Variants in C3orf22 observed in about 807,000 individuals in gnomAD.
C3orf22 encodes chromosome 3 open reading frame 22.
Under a neutral mutation model 10.8 loss-of-function variants are expected in C3orf22, and 7 were observed. The ratio of observed to expected loss-of-function variants is 0.65; its 90% CI spans 0.37 to 1.22. C3orf22 has a LOEUF of 1.22. C3orf22 is among the 50% of genes most tolerant of loss of function. The pLI is 0.02. For missense variants in C3orf22, 173 were observed against 177.0 expected (o/e 0.98, Z 0.13); for synonymous variants, 79 against 78.9 (o/e 1.00, Z 0.00).
At chr3:126,556,807 CCACA>C (rs1225503518) in intron 1 of C3orf22, among the ~76,000 whole-genome samples, 1 of 134,476 alleles carries the variant, frequency 7.4e-6, no homozygotes, top group Admixed American at 7.8e-5. Flanking sequence ...TCAGGCTCAC[CCACA>C]CACACAGACT....
chr3:126,534,976 T>C (rs1936739356), intron 4 of C3orf22, among the ~76,000 whole-genome samples: 1 of 136,920 alleles, frequency 7.3e-6, no homozygotes, highest in Non-Finnish European at 1.5e-5. Flanking sequence ...CAGACCAGCA[T>C]CCCTGTCCCC....
chr3:126,547,042 T>C (rs774896031), downstream of C3orf22, among the ~76,000 whole-genome samples: 2 of 152,212 alleles, frequency 1.3e-5, no homozygotes, highest in African/African-American at 2.4e-5. Flanking sequence ...TCCTCCTGCA[T>C]AGGTGTGAGT....
chr3:126,538,457 A>G (rs1438563033), intron 4 of C3orf22, among the ~76,000 whole-genome samples: 1 of 152,216 alleles, frequency 6.6e-6, no homozygotes, highest in East Asian at 1.9e-4. Context: ...GCCAGGCCAC[A>G]TTCCCCCCGA....
chr3:126,551,970 G>A (rs749538582), intron 3 of C3orf22, 27 bp downstream of exon 3: 30 of 1,573,902 alleles, frequency 1.9e-5, no homozygotes, highest in Non-Finnish European at 2.4e-5. Flanking sequence ...AGCCAGTGGG[G>A]GTGGTGGCAT....
chr3:126,536,135 T>G, intron 4 of C3orf22: 2 of 662,418 alleles, frequency 3.0e-6, no homozygotes, highest in Non-Finnish European at 2.7e-6. Flanking sequence ...ACCAAGCCCC[T>G]AGGAGGTAGG....
chr3:126,532,209 G>A (rs944592921), intron 4 of C3orf22, among the ~76,000 whole-genome samples: 6 of 152,162 alleles, frequency 3.9e-5, no homozygotes, highest in African/African-American at 7.2e-5. Flanking sequence ...TCCCAACTAC[G>A]GATTGTCATT....
chr3:126,539,847 T>TTC (rs1936906140), intron 4 of C3orf22, among the ~76,000 whole-genome samples: 2 of 1,206 alleles, frequency 1.7e-3, no homozygotes, highest in Non-Finnish European at 2.9e-3. Flanking sequence ...ACCACACACA[T>TTC]CACACACACA....
At chr3:126,555,968 C>T (rs868770964) in intron 1 of C3orf22, among the ~76,000 whole-genome samples, 2 of 152,176 alleles carry the variant, frequency 1.3e-5, no homozygotes, top group Admixed American at 6.5e-5. Flanking sequence ...TGGGCAACAT[C>T]GGGACAGCCC....
At chr3:126,557,594 A>G (rs1335772865) in intron 1 of C3orf22, among the ~76,000 whole-genome samples, 4 of 152,144 alleles carry the variant, frequency 2.6e-5, no homozygotes, top group African/African-American at 9.7e-5. Context: ...CACACTGGAC[A>G]CTGAACACAG....
chr3:126,531,115 C>T (rs1050034820), intron 4 of C3orf22, among the ~76,000 whole-genome samples: 30 of 152,402 alleles, frequency 2.0e-4, no homozygotes, highest in Non-Finnish European at 3.4e-4. Context: ...CCAGGCACTG[C>T]GCTGGCGCAG....
intron 3 of C3orf22, 59 bp downstream of exon 3, chr3:126,551,938 G>T: frequency 6.5e-7 from 1 of 1,536,054 alleles, no homozygotes; most frequent in Non-Finnish European, 8.8e-7. Context: ...CTGGGGGACA[G>T]AAAGCCAGGC....
downstream of C3orf22, among the ~76,000 whole-genome samples, chr3:126,544,909 C>G (rs1937041248): frequency 6.6e-6 from 1 of 152,252 alleles, no homozygotes. Context: ...ATGTGCAGGG[C>G]CACAGCCCAG....
exon 5 of C3orf22, chr3:126,529,147 A>G: frequency 2.6e-6 from 1 of 384,594 alleles, no homozygotes; most frequent in Non-Finnish European, 4.6e-6. Flanking sequence ...ACAGGGCGCG[A>G]GCCCTGCTTT....
At chr3:126,532,677 GT>G (rs1241926962) in intron 4 of C3orf22, among the ~76,000 whole-genome samples, 9 of 152,204 alleles carry the variant, frequency 5.9e-5, no homozygotes, top group African/African-American at 2.2e-4. Context: ...TGGCTGTATA[GT>G]AAAGTTGTGG....
chr3:126,553,183 C>T, intron 2 of C3orf22, 119 bp downstream of exon 2: 1 of 784,462 alleles, frequency 1.3e-6, no homozygotes, highest in Non-Finnish European at 2.3e-6. Context: ...TGCTAAGGGT[C>T]TCCCTGTGGA....
At chr3:126,535,158 G>GAC (rs1936750792) in intron 4 of C3orf22, among the ~76,000 whole-genome samples, 28 of 126,118 alleles carry the variant, frequency 2.2e-4, no homozygotes, top group East Asian at 7.8e-4. Context: ...CCCCAGCCGG[G>GAC]AGACAGACAG....
chr3:126,543,665 T>C (rs1009750072), intron 4 of C3orf22, among the ~76,000 whole-genome samples: 3 of 151,894 alleles, frequency 2.0e-5, no homozygotes, highest in Non-Finnish European at 4.4e-5. Flanking sequence ...CATGAGTGTG[T>C]GAGTATATGA....
rs527361233 is a variant in C3orf22 at position 126,539,477 on chromosome 3, A to G, written c.286+10060T>C. Among the ~76,000 whole-genome samples, 36 of 148,794 alleles carry G rather than the reference A, an allele frequency of 2.4e-4. 1 individual carries two copies. Among genetic ancestry groups the G allele is most frequent in the Middle Eastern group, 7.0e-3 (2 of 286 alleles). On this transcript the variant is annotated intron_variant and NMD_transcript_variant, in intron 4 of 5. Transcript: ENST00000505070. The stretch of plus-strand genomic sequence containing the variant: ...CACAAACACACCACACACACTGCAC[A>G]CACACACACATATGTACCCCACACC...
At chr3:126,543,894 G>T (rs1224181435) in intron 4 of C3orf22, among the ~76,000 whole-genome samples, 4 of 152,152 alleles carry the variant, frequency 2.6e-5, no homozygotes, top group African/African-American at 9.7e-5. Context: ...AGCTGCCACT[G>T]GTTTCCCCAT....
Sources: allele counts gnomAD v4.1 joint callset (sites outside exome capture counted in the v4.1 genomes callset), GRCh38; gene constraint gnomAD v4.1.1; transcripts MANE v1.5; gene names NCBI Gene and HGNC (gene_info 2026-07-23, HGNC 2026-07-21).